Variants in KIAA0825 observed in about 807,000 individuals in gnomAD.
The protein encoded by KIAA0825 is KIAA0825.
KIAA0825 carries 119 observed loss-of-function variants against 147.6 expected under a neutral mutation model. The observed-to-expected ratio is 0.81, with a 90% CI of 0.69 to 0.94. KIAA0825 has a LOEUF of 0.94. Among genes scored for constraint, KIAA0825 ranks in the 40% least tolerant of loss-of-function variants. The pLI is 0.00. For synonymous variants in KIAA0825, 470 were observed against 518.1 expected (o/e 0.91, Z 1.26); for missense variants, 1,381 against 1,472.7 (o/e 0.94, Z 1.02).
chr5:94,590,235 T>A (rs909223828), intron 1 of KIAA0825, among the ~76,000 whole-genome samples: 3 of 152,142 alleles, frequency 2.0e-5, no homozygotes, highest in African/African-American at 7.2e-5. Context: ...CCTCAAGTGA[T>A]CTGTCCGCGT....
intron 5 of KIAA0825, among the ~76,000 whole-genome samples, chr5:94,515,693 G>A (rs901362623): frequency 7.2e-5 from 11 of 151,756 alleles, no homozygotes; most frequent in Non-Finnish European, 1.5e-4. Flanking sequence ...TTGGGAGACT[G>A]AGGCAAGAGA....
chr5:94,283,651 TA>T (rs1777552705), intron 20 of KIAA0825, among the ~76,000 whole-genome samples: 1 of 152,164 alleles, frequency 6.6e-6, no homozygotes, highest in African/African-American at 2.4e-5. Flanking sequence ...GCTTACATTT[TA>T]AAAAATTTAT....
chr5:94,370,702 C>A (rs756422961), intron 20 of KIAA0825, among the ~76,000 whole-genome samples: 1 of 151,922 alleles, frequency 6.6e-6, no homozygotes, highest in East Asian at 1.9e-4. Flanking sequence ...GTCAGGAGAT[C>A]GAGATCATCC....
chr5:94,202,706 T>G (rs971773450), intron 20 of KIAA0825, among the ~76,000 whole-genome samples: 1 of 152,206 alleles, frequency 6.6e-6, no homozygotes, highest in African/African-American at 2.4e-5. Context: ...GGAAAGAGCC[T>G]CATCCCTATC....
chr5:94,386,639 A>G (rs1749182096), intron 18 of KIAA0825, among the ~76,000 whole-genome samples: 1 of 152,210 alleles, frequency 6.6e-6, no homozygotes, highest in African/African-American at 2.4e-5. Flanking sequence ...GAAACCATTT[A>G]CCAAACTCTT....
At chr5:94,274,408 A>C (rs901035576) in intron 20 of KIAA0825, among the ~76,000 whole-genome samples, 3 of 152,190 alleles carry the variant, frequency 2.0e-5, no homozygotes, top group Admixed American at 2.0e-4. Flanking sequence ...ACATTGTCAT[A>C]TAACCACCAG....
intron 20 of KIAA0825, among the ~76,000 whole-genome samples, chr5:94,197,495 T>A (rs1771244690): frequency 6.6e-6 from 1 of 152,136 alleles, no homozygotes; most frequent in East Asian, 1.9e-4. Context: ...CTATTTGTGG[T>A]TTTGTTGCAA....
chr5:94,412,370 T>C (rs1584416863), intron 15 of KIAA0825, among the ~76,000 whole-genome samples: 1 of 152,180 alleles, frequency 6.6e-6, no homozygotes, highest in African/African-American at 2.4e-5. Context: ...TGTAAAAAGA[T>C]CTGACTACTT....
At chr5:94,395,871 A>C (rs1750583982) in intron 17 of KIAA0825, among the ~76,000 whole-genome samples, 1 of 152,210 alleles carries the variant, frequency 6.6e-6, no homozygotes, top group Admixed American at 6.5e-5. Flanking sequence ...TGGTGACTAA[A>C]CAAGTATAAT....
intron 20 of KIAA0825, among the ~76,000 whole-genome samples, chr5:94,376,611 A>T (rs749111707): frequency 1.4e-5 from 2 of 146,580 alleles, no homozygotes; most frequent in African/African-American, 2.7e-5. Context: ...CTCTGCAAAA[A>T]ACAAACAAAC....
At chr5:94,594,688 T>G (rs1784953690) in intron 1 of KIAA0825, 1 of 634,632 alleles carries the variant, frequency 1.6e-6, no homozygotes, top group African/African-American at 1.9e-5. Context: ...GGCTATCATA[T>G]AATTCAGATT....
rs182612904 is a variant in KIAA0825 at position 94,225,606 on chromosome 5, A to T, written c.3711-71482T>A. Among the ~76,000 whole-genome samples, 27 of 152,310 alleles carry T rather than the reference A, an allele frequency of 1.8e-4. No individual in the cohort carries two copies. In the East Asian group the frequency reaches 5.2e-3, roughly 29 times the overall value. ...CTGCTCTGCTTTCTACTATATAAGG[A>T]TACAAAGAGATGCCAGCCATCTGCA... On this transcript the variant is annotated intron_variant, in intron 20 of 20. Coordinates refer to ENST00000682413, the MANE Select transcript of KIAA0825 (RefSeq NM_001145678.3).
chr5:94,598,865 T>C (rs1785786083), intron 1 of KIAA0825, among the ~76,000 whole-genome samples: 1 of 152,158 alleles, frequency 6.6e-6, no homozygotes, highest in Non-Finnish European at 1.5e-5. Flanking sequence ...TATTTATCCA[T>C]TCATTTGCTG....
chr5:94,587,711 G>A (rs775183341), intron 1 of KIAA0825, among the ~76,000 whole-genome samples: 1 of 152,010 alleles, frequency 6.6e-6, no homozygotes, highest in Non-Finnish European at 1.5e-5. Flanking sequence ...ATTTCATATG[G>A]AACCAAAAAT....
intron 6 of KIAA0825, among the ~76,000 whole-genome samples, chr5:94,483,133 C>T (rs767189118): frequency 6.6e-6 from 1 of 151,914 alleles, no homozygotes; most frequent in African/African-American, 2.4e-5. Flanking sequence ...GTCAGCATGC[C>T]AAATCTATGC....
At chr5:94,457,635 G>A (rs912420308) in intron 12 of KIAA0825, among the ~76,000 whole-genome samples, 2 of 152,136 alleles carry the variant, frequency 1.3e-5, no homozygotes, top group Admixed American at 6.6e-5. Flanking sequence ...CTATGTTGCC[G>A]GCATTCCTTT....
In KIAA0825 at chr5:94,338,840, T is replaced by C. The variant is rs549910648; in HGVS notation, c.3710+45528A>G. Among the ~76,000 whole-genome samples the C allele has an allele frequency of 6.0e-4, 91 of 152,292 alleles. 1 individual carries two copies. The South Asian group carries it at 0.018, about 30-fold the overall frequency. ...GATTATATATGTGTATAAACACATTTAAAAATCCAATAGATTTATTACATA... is the reference window on the plus strand; with the variant it reads ...GATTATATATGTGTATAAACACATTCAAAAATCCAATAGATTTATTACATA... On this transcript the variant is annotated intron_variant, in intron 20 of 20. Coordinates refer to ENST00000682413, the MANE Select transcript of KIAA0825 (RefSeq NM_001145678.3).
At position 94,402,691 on chromosome 5, in the gene KIAA0825, AAATATT is replaced by A. The variant is rs533475534; in HGVS notation, c.2887+872_2887+877del. 7.9e-5 allele frequency among the ~76,000 whole-genome samples: 12 copies of A among 151,598 alleles called. No individual in the cohort carries two copies. The South Asian group carries it at 1.9e-3, about 24-fold the overall frequency. ...GAAAGTTTCCTTAGAGTTAGAGAAA[AAATATT>A]TTCACTAACTCTAAGGAAACTTTCT... On this transcript the variant is annotated intron_variant, in intron 16 of 20. Coordinates refer to ENST00000682413, the MANE Select transcript of KIAA0825 (RefSeq NM_001145678.3).
At chr5:94,596,870 C>T (rs568057071) in intron 1 of KIAA0825, among the ~76,000 whole-genome samples, 1 of 151,970 alleles carries the variant, frequency 6.6e-6, no homozygotes, top group Non-Finnish European at 1.5e-5. Flanking sequence ...TGATTTGGCA[C>T]CATGCTTGGT....
Sources: allele counts gnomAD v4.1 joint callset (sites outside exome capture counted in the v4.1 genomes callset), GRCh38; gene constraint gnomAD v4.1.1; transcripts MANE v1.5; gene names NCBI Gene and HGNC (gene_info 2026-07-23, HGNC 2026-07-21).